The following CELF2 variants were observed in gnomAD, a reference collection of about 807,000 sequenced individuals.
CELF2 encodes the protein CUGBP Elav-like family member 2.
In CELF2, 8 loss-of-function variants were observed where a neutral mutation model predicts 62.6. The observed-to-expected ratio is 0.13, with a 90% CI of 0.07 to 0.23. CELF2 has a LOEUF of 0.23. CELF2 is among the 10% of genes least tolerant of loss of function. The pLI is 1.00. For missense variants in CELF2, 333 were observed against 671.0 expected (o/e 0.50, Z 5.56); for synonymous variants, 258 against 250.0 (o/e 1.03, Z -0.30).
chr10:11,001,762 G>A (rs2054537646), upstream of CELF2, among the ~76,000 whole-genome samples: 1 of 149,520 alleles, frequency 6.7e-6, no homozygotes, highest in Non-Finnish European at 1.5e-5. Context: ...TTTTCTTATT[G>A]TTCTTTGTTA....
upstream of CELF2, among the ~76,000 whole-genome samples, chr10:11,015,628 T>C (rs2057150237): frequency 6.6e-6 from 1 of 152,210 alleles, no homozygotes; most frequent in African/African-American, 2.4e-5. The surrounding 1 kb of genome is among the most constrained non-coding windows in gnomAD (Gnocchi z 4.8). Flanking sequence ...CAAAAGCAAA[T>C]GTGATTTGAA....
rs1473819974 is a variant in CELF2 at position 11,081,297 on chromosome 10, A to AG, written c.74+63139dup. Among the ~76,000 whole-genome samples the AG allele has an allele frequency of 2.6e-5, 4 of 152,298 alleles. No homozygotes were observed. The South Asian group carries it at 6.2e-4, about 24-fold the overall frequency. On this transcript the variant is annotated intron_variant, in intron 1 of 12. Transcript: ENST00000633077. ...AGGTTGGCAAAAAGACCAGCAGCCT[A>AG]GGGGGAGGAAGAAAGAAGCCTTCAG...
chr10:11,134,367 C>T (rs1015566431), intron 1 of CELF2, among the ~76,000 whole-genome samples: 4 of 152,330 alleles, frequency 2.6e-5, no homozygotes, highest in Middle Eastern at 3.4e-3. Context: ...TTGCTAAGGG[C>T]GGATGAGTGT....
chr10:10,788,419 A>C, the CELF2 span, among the ~76,000 whole-genome samples: 1 of 151,230 alleles, frequency 6.6e-6, no homozygotes, highest in Admixed American at 6.6e-5. Context: ...AAATTGTACC[A>C]ATAATTGTAT....
In CELF2 at chr10:11,217,593, T is replaced by A; in HGVS notation, c.354+86T>A. The stretch of plus-strand genomic sequence containing the variant: ...GAAGGTTCTAGTTATGGGCTCTTAG[T>A]GCCAAAAATGACTTTGGTCTTTTGA... On this transcript the variant is annotated intron_variant, in intron 3 of 12. Coordinates refer to ENST00000633077, the MANE Select transcript of CELF2 (RefSeq NM_001326342.2). This position sits in a 1 kb window ranked among gnomAD's most constrained non-coding sequence, Gnocchi z 5.6. 1.0e-6 allele frequency: 1 copy of A among 995,302 alleles called. No homozygotes were observed. Among genetic ancestry groups the A allele is most frequent in the Non-Finnish European group, 1.5e-6 (1 of 651,024 alleles). The allele number at this position is 995,302 out of a possible 1,614,324, so 61.7% of individuals were successfully genotyped here.
At chr10:10,809,454 C>T (rs953434732) in intron 1 of CELF2, among the ~76,000 whole-genome samples, 2 of 152,208 alleles carry the variant, frequency 1.3e-5, no homozygotes, top group Non-Finnish European at 2.9e-5. Context: ...TGCATCCATT[C>T]GGGTTTCATC....
chr10:10,582,210 C>A, the CELF2 span, among the ~76,000 whole-genome samples: 4 of 152,040 alleles, frequency 2.6e-5, no homozygotes, highest in Admixed American at 1.3e-4. Flanking sequence ...CTTGTGAATC[C>A]CTGCTCAGGG....
chr10:10,585,387 T>C, the CELF2 span, among the ~76,000 whole-genome samples: 16 of 152,124 alleles, frequency 1.1e-4, no homozygotes, highest in African/African-American at 3.9e-4. Flanking sequence ...TTCTGTCCTC[T>C]GTACACCTTT....
chr10:10,787,523 T>C, the CELF2 span, among the ~76,000 whole-genome samples: 2 of 152,144 alleles, frequency 1.3e-5, no homozygotes, highest in African/African-American at 4.8e-5. Context: ...AGGAGAGAAA[T>C]GGTCAAACAA....
At chr10:11,250,950 C>T (rs147332735) in intron 4 of CELF2, among the ~76,000 whole-genome samples, 374 of 152,276 alleles carry the variant, frequency 2.5e-3, no homozygotes, top group Non-Finnish European at 4.5e-3. Flanking sequence ...TCCTTTCAGC[C>T]CTTGTGCTCC....
chr10:11,236,366 A>G (rs544252377), intron 3 of CELF2, among the ~76,000 whole-genome samples: 4 of 152,252 alleles, frequency 2.6e-5, no homozygotes, highest in Non-Finnish European at 5.9e-5. Context: ...ATTACTGGAT[A>G]AGCATCAATA....
the CELF2 span, among the ~76,000 whole-genome samples, chr10:10,689,655 G>C: frequency 1.3e-5 from 2 of 152,152 alleles, no homozygotes; most frequent in East Asian, 3.9e-4. Flanking sequence ...CACCAGAAAA[G>C]GCATTCAAAT....
chr10:11,004,422 C>CGT (rs10676789), upstream of CELF2, among the ~76,000 whole-genome samples: 22,756 of 148,520 alleles, frequency 0.15, 4,966 homozygotes, highest in African/African-American at 0.49. This position sits in a 1 kb window ranked among gnomAD's most constrained non-coding sequence, Gnocchi z 5.0. Flanking sequence ...TGTGCGCGCG[C>CGT]GTGTGTGTGT....
Position 11,211,067 on chromosome 10 carries a change from C to T in CELF2, c.272-6358C>T, listed in dbSNP as rs962730284. Among the ~76,000 whole-genome samples, 5 of 152,116 alleles carry T rather than the reference C, an allele frequency of 3.3e-5. No homozygotes were observed. The highest frequency in any genetic ancestry group is 7.2e-5 in the African/African-American group (3 of 41,400). ...GCCAAGGCAGGAGGACCACTTGAGA[C>T]GAGGAGTTTGAGAAGCCTGAGCTAT... On this transcript the variant is annotated intron_variant, in intron 2 of 12. Transcript: ENST00000633077. The surrounding 1 kb of genome is among the most constrained non-coding windows in gnomAD (Gnocchi z 4.8).
chr10:10,901,784 A>G (rs1480055021), intron 1 of CELF2, among the ~76,000 whole-genome samples: 1 of 152,224 alleles, frequency 6.6e-6, no homozygotes, highest in Admixed American at 6.5e-5. Context: ...TGTCCAGAAC[A>G]TATTAGGTTT....
rs1256510214 is a variant in CELF2 at position 11,247,255 on chromosome 10, G to A, written c.355-1898G>A. On this transcript the variant is annotated intron_variant, in intron 3 of 12. Coordinates refer to ENST00000633077, the MANE Select transcript of CELF2 (RefSeq NM_001326342.2). The surrounding 1 kb of genome is among the most constrained non-coding windows in gnomAD (Gnocchi z 5.4). ...AGTTCCTTAGCTTGCAAGACCCTCTGAGAGCTGGGTGTTGCCCACCTTCAC... is the reference window on the plus strand; with the variant it reads ...AGTTCCTTAGCTTGCAAGACCCTCTAAGAGCTGGGTGTTGCCCACCTTCAC... 6.6e-6 allele frequency among the ~76,000 whole-genome samples: 1 copy of A among 152,222 alleles called. No homozygotes were observed. The highest frequency in any genetic ancestry group is 1.5e-5 in the Non-Finnish European group (1 of 68,042).
intron 1 of CELF2, among the ~76,000 whole-genome samples, chr10:10,907,245 G>A (rs892038457): frequency 3.3e-5 from 5 of 152,090 alleles, no homozygotes; most frequent in Non-Finnish European, 4.4e-5. Flanking sequence ...GCTATATGGG[G>A]TGAAAAAGGT....
At chr10:10,587,832 A>G in the CELF2 span, among the ~76,000 whole-genome samples, 1 of 152,122 alleles carries the variant, frequency 6.6e-6, no homozygotes, top group Non-Finnish European at 1.5e-5. Context: ...TGAGGGCTTG[A>G]CTACTGTGTA....
At position 10,806,506 on chromosome 10, in the gene CELF2, C is replaced by T. The variant is rs1259365909; in HGVS notation, c.53+7689C>T. Among the ~76,000 whole-genome samples, 5 of 152,274 alleles carry T rather than the reference C, an allele frequency of 3.3e-5. No individual in the cohort carries two copies. In the East Asian group the frequency reaches 9.7e-4, roughly 29 times the overall value. ...GGCATGAGCCACTGCACCCAGCCTC[C>T]AGTGGACTTTCTGAGTGGCCCTGGT... is the stretch of plus-strand genomic sequence containing the variant. On this transcript the variant is annotated intron_variant, in intron 1 of 13. Coordinates refer to the CELF2 transcript ENST00000636488.
Sources: allele counts gnomAD v4.1 joint callset (sites outside exome capture counted in the v4.1 genomes callset), GRCh38; gene constraint gnomAD v4.1.1; non-coding constraint Gnocchi (gnomAD v3.1); transcripts MANE v1.5; gene names NCBI Gene and HGNC (gene_info 2026-07-23, HGNC 2026-07-21).